TASP1: variants seen among roughly 807,000 people sequenced by gnomAD.
TASP1 encodes the protein taspase 1, also known as threonine aspartase 1.
A neutral mutation model predicts 56.6 loss-of-function variants in TASP1; 16 were observed. That is an observed-to-expected ratio of 0.28 (90% CI 0.19 to 0.43). TASP1 has a LOEUF of 0.43. TASP1 is among the 20% of genes least tolerant of loss of function. TASP1 has a pLI of 1.00. For missense variants in TASP1, 393 were observed against 511.6 expected, an observed-to-expected ratio of 0.77 and a Z score of 2.24; for synonymous variants, 179 against 184.2, an observed-to-expected ratio of 0.97 and a Z score of 0.23.
chr20:13,410,837 T>C lies in TASP1; in HGVS notation c.1170+6611A>G, dbSNP rs1185548865. Among the ~76,000 whole-genome samples the C allele has an allele frequency of 2.0e-5, 3 of 152,178 alleles. No individual in the cohort carries two copies. The East Asian group carries it at 5.8e-4, about 29-fold the overall frequency. ...AAGCAGCTCTTTAGTTTAATAAGAG[T>C]CCTATTTGTCTCTTTTGGGATTTTT... On this transcript the variant is annotated intron_variant, in intron 13 of 13. Coordinates refer to ENST00000337743, the MANE Select transcript of TASP1 (RefSeq NM_017714.3).
the TASP1 span, among the ~76,000 whole-genome samples, chr20:13,379,766 G>T: frequency 6.6e-6 from 1 of 152,074 alleles, no homozygotes; most frequent in Non-Finnish European, 1.5e-5. Context: ...TGGAGGCTTT[G>T]TTTGTTCCTT....
the TASP1 span, among the ~76,000 whole-genome samples, chr20:13,244,948 C>T: frequency 6.6e-6 from 1 of 152,104 alleles, no homozygotes; most frequent in Non-Finnish European, 1.5e-5. Flanking sequence ...ACCTTGGAAA[C>T]AATGAAAGAA....
At chr20:13,362,877 C>T in the TASP1 span, among the ~76,000 whole-genome samples, 2 of 145,090 alleles carry the variant, frequency 1.4e-5, no homozygotes, top group Non-Finnish European at 3.0e-5. Context: ...GCTCCTAAAA[C>T]CTTTATAACT....
At chr20:13,204,424 G>A in the TASP1 span, among the ~76,000 whole-genome samples, 3 of 152,080 alleles carry the variant, frequency 2.0e-5, no homozygotes, top group African/African-American at 7.2e-5. Flanking sequence ...AAATATTACT[G>A]AGGCCTCCTT....
chr20:13,621,263 A>T (rs979170466), intron 4 of TASP1, among the ~76,000 whole-genome samples: 5 of 144,900 alleles, frequency 3.5e-5, no homozygotes, highest in African/African-American at 1.0e-4. Flanking sequence ...GTCTCTACTT[A>T]AAAAAAAAAA....
At chr20:13,570,017 T>C (rs371971700) in intron 6 of TASP1, among the ~76,000 whole-genome samples, 7 of 152,202 alleles carry the variant, frequency 4.6e-5, no homozygotes, top group African/African-American at 1.7e-4. Context: ...CATCCAAAAT[T>C]AGTGGGTACA....
At chr20:13,310,172 A>C in the TASP1 span, among the ~76,000 whole-genome samples, 1 of 152,224 alleles carries the variant, frequency 6.6e-6, no homozygotes, top group Non-Finnish European at 1.5e-5. Context: ...GAAGTATAAC[A>C]CTATATGTCA....
At chr20:13,628,333 G>A (rs900669168) in intron 2 of TASP1, among the ~76,000 whole-genome samples, 6 of 152,114 alleles carry the variant, frequency 3.9e-5, no homozygotes, top group Admixed American at 1.3e-4. Context: ...CTCTGAATAC[G>A]GTAACTCACT....
the TASP1 span, among the ~76,000 whole-genome samples, chr20:13,313,034 C>T: frequency 6.6e-6 from 1 of 152,166 alleles, no homozygotes; most frequent in African/African-American, 2.4e-5. Flanking sequence ...AGCAGGTCCC[C>T]CTCGAGCTAA....
At chr20:13,408,615 T>C (rs2042003432) in intron 13 of TASP1, among the ~76,000 whole-genome samples, 1 of 152,174 alleles carries the variant, frequency 6.6e-6, no homozygotes, top group Non-Finnish European at 1.5e-5. Flanking sequence ...ATGCCAGTGA[T>C]GCCATCTGGG....
At chr20:13,166,544 A>T in the TASP1 span, 2 of 152,230 alleles carry the variant, frequency 1.3e-5, no homozygotes, top group Non-Finnish European at 2.9e-5. Context: ...ACTTTTCTCA[A>T]TGAAACTGAT....
Position 13,565,120 on chromosome 20 carries a change from G to C in TASP1, c.568+4387C>G, listed in dbSNP as rs140134557. Among the ~76,000 whole-genome samples, 23 of 152,126 alleles carry C rather than the reference G, an allele frequency of 1.5e-4. No homozygotes were observed. The East Asian group carries it at 4.4e-3, about 29-fold the overall frequency. On this transcript the variant is annotated intron_variant, in intron 7 of 13. Transcript: ENST00000337743. ...ACATATATGGTCAACGATTTGACGAGGGTACTAGCACCATTCAATAGGGAA... is the reference window on the plus strand; with the variant it reads ...ACATATATGGTCAACGATTTGACGACGGTACTAGCACCATTCAATAGGGAA...
At chr20:13,620,255 C>T (rs1298685095) in intron 4 of TASP1, among the ~76,000 whole-genome samples, 1 of 142,938 alleles carries the variant, frequency 7.0e-6, no homozygotes, top group African/African-American at 2.7e-5. Context: ...GTGTGTGTCT[C>T]TGTGGTATTT....
At chr20:13,483,558 C>T (rs370767510) in intron 10 of TASP1, among the ~76,000 whole-genome samples, 1 of 152,070 alleles carries the variant, frequency 6.6e-6, no homozygotes, top group Non-Finnish European at 1.5e-5. Flanking sequence ...CAAACCAATA[C>T]AAATTAATAT....
chr20:13,259,264 G>C, the TASP1 span, among the ~76,000 whole-genome samples: 1 of 149,536 alleles, frequency 6.7e-6, no homozygotes, highest in Non-Finnish European at 1.5e-5. Context: ...CTGGGCGACA[G>C]AGTGAGACTC....
At chr20:13,383,412 A>G in the TASP1 span, among the ~76,000 whole-genome samples, 485 of 152,358 alleles carry the variant, frequency 3.2e-3, 1 homozygote, top group East Asian at 0.01. Flanking sequence ...GAAGGAAAGT[A>G]AAAATTCAAG....
intron 10 of TASP1, among the ~76,000 whole-genome samples, chr20:13,490,265 A>T (rs1447687546): frequency 6.6e-6 from 1 of 152,184 alleles, no homozygotes; most frequent in African/African-American, 2.4e-5. Context: ...AAAATACTTT[A>T]ATACTTCATA....
chr20:13,364,432 A>T, the TASP1 span, among the ~76,000 whole-genome samples: 8 of 152,138 alleles, frequency 5.3e-5, no homozygotes, highest in African/African-American at 1.9e-4. Flanking sequence ...AAGGAAGGGT[A>T]TGGAGAGTCA....
At chr20:13,591,410 A>G (rs1433618092) in intron 4 of TASP1, among the ~76,000 whole-genome samples, 1 of 152,182 alleles carries the variant, frequency 6.6e-6, no homozygotes, top group African/African-American at 2.4e-5. Flanking sequence ...GAAACAATGC[A>G]AGACAGAAGA....
Sources: allele counts gnomAD v4.1 joint callset (sites outside exome capture counted in the v4.1 genomes callset), GRCh38; gene constraint gnomAD v4.1.1; transcripts MANE v1.5; gene names NCBI Gene and HGNC (gene_info 2026-07-23, HGNC 2026-07-21).